CDH18: variants seen among roughly 807,000 people sequenced by gnomAD.
CDH18 encodes the protein cadherin-18.
CDH18 carries 31 observed loss-of-function variants against 67.9 expected under a neutral mutation model. The observed-to-expected ratio is 0.46, with a 90% CI of 0.34 to 0.62. The LOEUF (loss-of-function observed/expected upper bound fraction) is 0.62. Ranked by LOEUF, CDH18 falls within the 20% of genes least tolerant of loss-of-function variation. The pLI is 0.01. For synonymous variants in CDH18, 362 were observed against 347.2 expected (o/e 1.04, Z -0.48); for missense variants, 890 against 975.5 (o/e 0.91, Z 1.17).
chr5:20,390,403 G>T (rs4615300), intron 1 of CDH18, among the ~76,000 whole-genome samples: 3 of 152,018 alleles, frequency 2.0e-5, no homozygotes, highest in Non-Finnish European at 4.4e-5. Context: ...ATCATCACTG[G>T]CCATCAAAGA....
chr5:20,566,716 T>G (rs1487275458), intron 1 of CDH18, among the ~76,000 whole-genome samples: 1 of 151,920 alleles, frequency 6.6e-6, no homozygotes, highest in East Asian at 1.9e-4. Flanking sequence ...ATGTGTGATT[T>G]TTTTGGCTTG....
chr5:19,737,449 T>C (rs1326370135), intron 4 of CDH18, among the ~76,000 whole-genome samples: 2 of 152,182 alleles, frequency 1.3e-5, no homozygotes, highest in South Asian at 4.1e-4. Context: ...AACCTGGTCA[T>C]TTTGTATGTG....
intron 3 of CDH18, among the ~76,000 whole-genome samples, chr5:19,774,693 G>A (rs1774116314): frequency 6.7e-6 from 1 of 150,186 alleles, no homozygotes; most frequent in Admixed American, 6.6e-5. Flanking sequence ...GGGGTGGTAT[G>A]CACCTATAGT....
chr5:19,925,837 T>C (rs1793020236), intron 2 of CDH18, among the ~76,000 whole-genome samples: 1 of 152,190 alleles, frequency 6.6e-6, no homozygotes, highest in Non-Finnish European at 1.5e-5. Context: ...AGTAGTATGG[T>C]ATGTACTATC....
At chr5:19,958,108 G>A (rs1455524936) in intron 2 of CDH18, among the ~76,000 whole-genome samples, 2 of 151,394 alleles carry the variant, frequency 1.3e-5, no homozygotes, top group Non-Finnish European at 2.9e-5. Flanking sequence ...TTTTCCAAGG[G>A]ATCTCTCTCA....
chr5:19,965,710 T>A (rs1295727468), intron 2 of CDH18, among the ~76,000 whole-genome samples: 1 of 152,046 alleles, frequency 6.6e-6, no homozygotes, highest in African/African-American at 2.4e-5. Flanking sequence ...TCCACCAGGT[T>A]ACATTTAAGG....
chr5:19,944,185 G>A (rs998079133), intron 2 of CDH18, among the ~76,000 whole-genome samples: 1 of 151,906 alleles, frequency 6.6e-6, no homozygotes, highest in Non-Finnish European at 1.5e-5. Context: ...TTTAGTAATG[G>A]AATTTCCACT....
At chr5:19,625,603 T>A (rs1001218986) in intron 5 of CDH18, among the ~76,000 whole-genome samples, 2 of 152,186 alleles carry the variant, frequency 1.3e-5, no homozygotes, top group Non-Finnish European at 2.9e-5. Flanking sequence ...TTGGCTGTTT[T>A]CCTACTCACG....
At chr5:20,192,454 G>A (rs113941940) in intron 2 of CDH18, among the ~76,000 whole-genome samples, 16 of 152,030 alleles carry the variant, frequency 1.1e-4, no homozygotes, top group Non-Finnish European at 2.2e-4. Context: ...GTATTGCCTA[G>A]GTTTTCTTCT....
Position 19,541,311 on chromosome 5 carries a change from G to A in CDH18, c.1390+2558C>T, listed in dbSNP as rs368033654. Among the ~76,000 whole-genome samples, 8 of 150,812 alleles carry A rather than the reference G, an allele frequency of 5.3e-5. No homozygotes were observed. In the South Asian group the frequency reaches 6.2e-4, roughly 12 times the overall value. On this transcript the variant is annotated intron_variant, in intron 9 of 12. Transcript: ENST00000382275. The stretch of plus-strand genomic sequence containing the variant: ...ACTTTCCCACATCTTCCTGTCTTCC[G>A]AGCACTCCAAGTCTCCAGGATGTTC...
At chr5:20,287,385 GGAT>G (rs1002254291) in intron 1 of CDH18, among the ~76,000 whole-genome samples, 2 of 151,700 alleles carry the variant, frequency 1.3e-5, no homozygotes, top group Middle Eastern at 3.4e-3. Context: ...TTAAATTGAA[GGAT>G]AATATTGTGC....
At chr5:19,700,233 G>A (rs1366235051) in intron 5 of CDH18, among the ~76,000 whole-genome samples, 2 of 152,092 alleles carry the variant, frequency 1.3e-5, no homozygotes, top group Non-Finnish European at 2.9e-5. Flanking sequence ...AAGAGTATCT[G>A]TGCTGTATTC....
chr5:20,555,037 A>G (rs546871687), intron 1 of CDH18, among the ~76,000 whole-genome samples: 2 of 152,306 alleles, frequency 1.3e-5, no homozygotes, highest in Admixed American at 6.5e-5. Context: ...TACATGTTGC[A>G]TTACATGTTG....
intron 2 of CDH18, among the ~76,000 whole-genome samples, chr5:19,847,168 C>T (rs1054902640): frequency 2.0e-5 from 3 of 152,044 alleles, no homozygotes; most frequent in African/African-American, 7.2e-5. Flanking sequence ...TAGCTATTCC[C>T]TTTCCAATGT....
intron 2 of CDH18, among the ~76,000 whole-genome samples, chr5:19,998,545 T>G (rs1736191852): frequency 6.6e-6 from 1 of 152,188 alleles, no homozygotes; most frequent in Non-Finnish European, 1.5e-5. Context: ...TGTTTCATGC[T>G]AAGAGAACAA....
chr5:19,555,307 C>T (rs1738192441), intron 8 of CDH18, among the ~76,000 whole-genome samples: 1 of 152,178 alleles, frequency 6.6e-6, no homozygotes, highest in Non-Finnish European at 1.5e-5. Flanking sequence ...CAGCTGCAGG[C>T]TCCATGGGAT....
At chr5:19,786,908 C>T (rs756785147) in intron 3 of CDH18, among the ~76,000 whole-genome samples, 3 of 152,208 alleles carry the variant, frequency 2.0e-5, no homozygotes, top group South Asian at 4.2e-4. Flanking sequence ...ACTGCCTCCA[C>T]GTTGGCAGTA....
intron 3 of CDH18, among the ~76,000 whole-genome samples, chr5:19,807,989 G>C (rs542368082): frequency 5.3e-4 from 80 of 152,162 alleles, no homozygotes; most frequent in Middle Eastern, 3.4e-3. Flanking sequence ...AATGCATTTT[G>C]AGTAAATGAA....
chr5:19,543,140 T>G (rs1050406768), intron 9 of CDH18, among the ~76,000 whole-genome samples: 1 of 152,170 alleles, frequency 6.6e-6, no homozygotes, highest in Non-Finnish European at 1.5e-5. Context: ...TTTGGTCTAC[T>G]TACGAATATG....
Sources: gnomAD v4.1 joint callset for allele counts (sites outside exome capture counted in the v4.1 genomes callset) on GRCh38, gnomAD v4.1.1 for gene constraint, MANE v1.5 for transcripts, NCBI Gene and HGNC (gene_info 2026-07-23, HGNC 2026-07-21) for gene names.